Variants in ADAMTS13 observed in about 807,000 individuals in gnomAD.
ADAMTS13 encodes A disintegrin and metalloproteinase with thrombospondin motifs 13.
ADAMTS13 carries 110 observed loss-of-function variants against 155.1 expected under a neutral mutation model. The observed-to-expected ratio is 0.71, with a 90% CI of 0.61 to 0.83. ADAMTS13 has a LOEUF of 0.83. Ranked by LOEUF, ADAMTS13 falls within the 40% of genes least tolerant of loss-of-function variation. ADAMTS13 has a pLI of 0.00. For missense variants in ADAMTS13, 1,707 were observed against 1,891.7 expected, an observed-to-expected ratio of 0.90 and a Z score of 1.81; for synonymous variants, 758 against 756.4, an observed-to-expected ratio of 1.00 and a Z score of -0.03.
chr9:133,459,015 G>A lies in ADAMTS13; in HGVS notation c.3951G>A (p.Gly1317=). ...THSLRTTAFH[G]QQVLYWESES... is the part of the protein sequence containing the mutation. ...GCTTGAGGACCACAGCGTTCCATGG[G>A]CAGCAGGTGCTCTACTGGGAGTCAG... is the stretch of plus-strand genomic sequence containing the variant. Residue 1317 remains glycine (G), a synonymous_variant, in exon 29 of 29, where the codon GGG becomes GGA. Transcript: ENST00000355699. 1 of 1,613,254 alleles carries A rather than the reference G, an allele frequency of 6.2e-7. No homozygotes were observed. The highest frequency in any genetic ancestry group is 8.5e-7 in the Non-Finnish European group (1 of 1,179,994).
intron 21 of ADAMTS13, among the ~76,000 whole-genome samples, chr9:133,447,805 G>A (rs1215827315): frequency 3.3e-5 from 5 of 151,570 alleles, no homozygotes; most frequent in Non-Finnish European, 7.4e-5. Flanking sequence ...TGATGGCCAC[G>A]CTGGTCTCAA....
At position 133,438,342 on chromosome 9, in the gene ADAMTS13, T is replaced by C. The variant is rs1000073885; in HGVS notation, c.1681T>C (p.Ser561Pro). 14 of 1,613,902 alleles carry C rather than the reference T, an allele frequency of 8.7e-6. No individual in the cohort carries two copies. The highest frequency in any genetic ancestry group is 1.1e-5 in the Non-Finnish European group (13 of 1,180,026). ...CAGCACGTGCAGCCCACGGAAGGGC[T>C]CTTTCACAGCTGGCAGAGCGAGAGG... Reference protein sequence around the residue: ...DNSTCSPRKGSFTAGRAREYV... With the variant: ...DNSTCSPRKGPFTAGRAREYV... The change falls in exon 14 of 29, where the codon TCT becomes CCT. Residue 561 changes from serine to proline, a missense_variant. Around this residue, in one of 3 missense-constraint regions of ADAMTS13, gnomAD observed 961 missense variants for 1,107.9 expected, o/e 0.87. Transcript: ENST00000355699.
intron 11 of ADAMTS13, among the ~76,000 whole-genome samples, chr9:133,435,425 G>A (rs906220559): frequency 6.6e-6 from 1 of 151,824 alleles, no homozygotes. Flanking sequence ...CTGACCTCAG[G>A]TGATCTGCCC....
intron 6 of ADAMTS13, 150 bp downstream of exon 6, chr9:133,426,495 A>G: frequency 9.0e-7 from 1 of 1,114,788 alleles, no homozygotes; most frequent in Non-Finnish European, 1.3e-6. Flanking sequence ...GTGTGAGGAC[A>G]GGGGAACCTG....
chr9:133,452,240 G>A (rs782003700), intron 23 of ADAMTS13, among the ~76,000 whole-genome samples: 2 of 151,936 alleles, frequency 1.3e-5, no homozygotes, highest in Non-Finnish European at 2.9e-5. Context: ...AGCTTCCCGA[G>A]TAGCTGGGAT....
chr9:133,425,973 C>A lies in ADAMTS13; in HGVS notation c.450C>A (p.Ser150=). The A allele has an allele frequency of 6.2e-7, 1 of 1,613,924 alleles. No individual in the cohort carries two copies. Residue 150 remains serine (S), a synonymous_variant, in exon 5 of 29, where the codon TCC becomes TCA. Transcript: ENST00000355699. This position sits in a 1 kb window ranked among gnomAD's most constrained non-coding sequence, Gnocchi z 4.6. ...APNITANLTS[S]LLSVCGWSQT... Reference sequence around the variant, plus strand: ...ATATCACAGCCAACCTCACCTCGTCCCTGCTGAGCGTCTGTGGGTGGAGCC... The same window carrying A: ...ATATCACAGCCAACCTCACCTCGTCACTGCTGAGCGTCTGTGGGTGGAGCC...
chr9:133,438,409 C>G, intron 14 of ADAMTS13, 43 bp downstream of exon 14: 2 of 1,610,248 alleles, frequency 1.2e-6, no homozygotes, highest in Non-Finnish European at 1.7e-6. Flanking sequence ...TTCCCCCAGC[C>G]TCCAAGATGG....
At chr9:133,454,359 G>A in intron 23 of ADAMTS13, 56 bp from the exon 24 acceptor site, 4 of 1,595,864 alleles carry the variant, frequency 2.5e-6, no homozygotes, top group Non-Finnish European at 3.4e-6. Flanking sequence ...GCCTGCGTGG[G>A]GCAGTACTGT....
intron 23 of ADAMTS13, 91 bp from the exon 24 acceptor site, chr9:133,454,324 T>TC (rs1842612855): frequency 6.8e-7 from 1 of 1,473,174 alleles, no homozygotes. Flanking sequence ...TAGGCAACTG[T>TC]CCGAGTACAC....
intron 25 of ADAMTS13, 123 bp downstream of exon 25, chr9:133,455,558 C>T (rs782689373): frequency 1.2e-6 from 2 of 1,608,824 alleles, no homozygotes; most frequent in South Asian, 1.1e-5. Context: ...GGCTCCCCAG[C>T]CTCGGCGGCT....
At chr9:133,429,629 T>C in intron 7 of ADAMTS13, 1 of 495,494 alleles carries the variant, frequency 2.0e-6, no homozygotes, top group South Asian at 1.7e-5. Context: ...CGCGTACATG[T>C]ATCCCTGCGT....
At chr9:133,457,077 CCT>C (rs1554796330) in intron 27 of ADAMTS13, 1 of 399,304 alleles carries the variant, frequency 2.5e-6, no homozygotes, top group Non-Finnish European at 4.8e-6. Flanking sequence ...GTCCCTCAGC[CCT>C]GTTTCAGTGC....
rs988381398 is a variant in ADAMTS13, at chr9:133,443,491, C to A, written c.2350C>A (p.Arg784=). Residue 784 remains arginine, a synonymous_variant, in exon 19 of 29, where the codon CGG becomes AGG. Transcript: ENST00000355699. The stretch of plus-strand genomic sequence containing the variant: ...CCTCCTGAAGACATTGCCCCCAGCC[C>A]GGTGCAGAGCAGGGGCCCAGCAGCC... ...GSLLKTLPPA[R]CRAGAQQPAV... 2.5e-6 allele frequency: 4 copies of A among 1,587,260 alleles called. No homozygotes were observed. The highest frequency in any genetic ancestry group is 2.3e-5 in the South Asian group (2 of 87,824).
At position 133,424,180 on chromosome 9, in the gene ADAMTS13, C is replaced by A; in HGVS notation, c.173-141C>A. On this transcript the variant is annotated intron_variant, in intron 2 of 28. Coordinates refer to ENST00000355699, the MANE Select transcript of ADAMTS13 (RefSeq NM_139027.6). The surrounding 1 kb of genome is among the most constrained non-coding windows in gnomAD (Gnocchi z 4.3). Reference sequence around the variant, plus strand: ...TTGCGTGCCTAGTCACTAATGGGGTCTGGCTCTTGGGGTGGGGGTGACACG... The same window carrying A: ...TTGCGTGCCTAGTCACTAATGGGGTATGGCTCTTGGGGTGGGGGTGACACG... 7.4e-7 allele frequency: 1 copy of A among 1,353,584 alleles called. No individual in the cohort carries two copies. The highest frequency in any genetic ancestry group is 2.3e-5 in the East Asian group (1 of 43,630). 83.8% of individuals were successfully genotyped at this position (1,353,584 alleles called of 1,614,324 possible). A position where few individuals can be genotyped will look rare whatever the true frequency, so the allele number is the denominator to read the frequency against.
intron 23 of ADAMTS13, among the ~76,000 whole-genome samples, chr9:133,452,482 T>G (rs1394987911): frequency 2.0e-5 from 3 of 152,236 alleles, no homozygotes; most frequent in Non-Finnish European, 4.4e-5. Flanking sequence ...TCTTTGCCTA[T>G]GCTAAAGTCC....
rs1282469521 is a variant in ADAMTS13 at position 133,440,587 on chromosome 9, C to T, written c.1968+62C>T. The T allele has an allele frequency of 3.4e-6, 5 of 1,478,534 alleles. No homozygotes were observed. The highest frequency in any genetic ancestry group is 4.4e-5 in the Admixed American group (2 of 45,310). The allele number at this position is 1,478,534 out of a possible 1,614,324, so 91.6% of individuals were successfully genotyped here. A position where few individuals can be genotyped will look rare whatever the true frequency, so the allele number is the denominator to read the frequency against. ...TCTTCTTGGGGGCTATGGCTGCTTG[C>T]TCGTTTGTCTATCCATCCATTCCCT... On this transcript the variant is annotated intron_variant, in intron 16 of 28. Coordinates refer to ENST00000355699, the MANE Select transcript of ADAMTS13 (RefSeq NM_139027.6). This position sits in a 1 kb window ranked among gnomAD's most constrained non-coding sequence, Gnocchi z 4.3.
At position 133,441,076 on chromosome 9, in the gene ADAMTS13, G is replaced by T. The variant is rs998849024; in HGVS notation, c.1968+551G>T. On this transcript the variant is annotated intron_variant, in intron 16 of 28. Coordinates refer to ENST00000355699, the MANE Select transcript of ADAMTS13 (RefSeq NM_139027.6). The surrounding 1 kb of genome is among the most constrained non-coding windows in gnomAD (Gnocchi z 5.0). ...GTGCAGTGTGTGTGGGAACCGGAAG[G>T]CCTTGTTCAGGCGTGTCCTCAGTGA... is the stretch of plus-strand genomic sequence containing the variant. 3.3e-5 allele frequency among the ~76,000 whole-genome samples: 5 copies of T among 152,158 alleles called. No individual in the cohort carries two copies. Among genetic ancestry groups the T allele is most frequent in the African/African-American group, 1.2e-4 (5 of 41,418 alleles).
intron 23 of ADAMTS13, among the ~76,000 whole-genome samples, chr9:133,450,851 G>A (rs36222278): frequency 1.8e-3 from 274 of 152,366 alleles, no homozygotes; most frequent in African/African-American, 6.4e-3. Context: ...TGCTAGTTGT[G>A]GGAGGTGAAG....
chr9:133,418,176 TGGGGCAAGCC>T (rs1330825062), upstream of ADAMTS13: 1 of 370,702 alleles, frequency 2.7e-6, no homozygotes, highest in Non-Finnish European at 4.9e-6. Context: ...CGAGTTTGAC[TGGGGCAAGCC>T]GAGGACCTCC....
Sources: allele counts gnomAD v4.1 joint callset (sites outside exome capture counted in the v4.1 genomes callset), GRCh38; gene constraint gnomAD v4.1.1; regional missense constraint gnomAD v4.1.1; non-coding constraint Gnocchi (gnomAD v3.1); transcripts MANE v1.5; gene names NCBI Gene and HGNC (gene_info 2026-07-23, HGNC 2026-07-21).